The following TGFBR3 variants were observed in gnomAD, a reference collection of about 807,000 sequenced individuals.
TGFBR3 encodes transforming growth factor beta receptor 3.
Under a neutral mutation model 87.9 loss-of-function variants are expected in TGFBR3, and 46 were observed. That is an observed-to-expected ratio of 0.52 (90% CI 0.41 to 0.67). The LOEUF is 0.67. Ranked by LOEUF, TGFBR3 falls within the 30% of genes least tolerant of loss-of-function variation. TGFBR3 has a pLI of 0.00. For missense variants in TGFBR3, 866 were observed against 1,041.9 expected (o/e 0.83, Z 2.32); for synonymous variants, 381 against 391.6 (o/e 0.97, Z 0.32).
intron 1 of TGFBR3, among the ~76,000 whole-genome samples, chr1:91,873,592 C>A (rs1157921294): frequency 6.6e-6 from 1 of 151,984 alleles, no homozygotes; most frequent in Non-Finnish European, 1.5e-5. Flanking sequence ...TGAGCCAACA[C>A]GCCTGGCCCA....
In TGFBR3 at chr1:91,820,472, AG is replaced by A. The variant is rs1478614398; in HGVS notation, c.62-23002del. On this transcript the variant is annotated intron_variant, in intron 2 of 16. Transcript: ENST00000212355. ...GCCGAGGCGGGCGGATCATGAGGTCAGGAGATCGAGACCATCCTGGCTAACA... is the reference window on the plus strand; with the variant it reads ...GCCGAGGCGGGCGGATCATGAGGTCAGAGATCGAGACCATCCTGGCTAACA... Among the ~76,000 whole-genome samples, 3 of 152,110 alleles carry A rather than the reference AG, an allele frequency of 2.0e-5. No homozygotes were observed. In the East Asian group the frequency reaches 5.8e-4, roughly 29 times the overall value.
chr1:91,863,252 C>T, intron 1 of TGFBR3, among the ~76,000 whole-genome samples: 1 of 152,076 alleles, frequency 6.6e-6, no homozygotes, highest in East Asian at 1.9e-4. Flanking sequence ...ATTATATAGG[C>T]AGGAGGCCAC....
intron 3 of TGFBR3, among the ~76,000 whole-genome samples, chr1:91,769,645 GTT>G (rs1209653733): frequency 6.9e-6 from 1 of 144,604 alleles, no homozygotes; most frequent in Non-Finnish European, 1.5e-5. Context: ...TGTTTTTTTT[GTT>G]TTTTTTTTTA....
intron 2 of TGFBR3, among the ~76,000 whole-genome samples, chr1:91,854,337 G>T (rs534351785): frequency 3.3e-5 from 5 of 151,846 alleles, no homozygotes; most frequent in South Asian, 4.2e-4. Context: ...TTCACCATGG[G>T]GGCCAATACT....
rs1317132797 is a variant in TGFBR3 at position 91,683,073 on chromosome 1, G to A, written c.*666C>T. 4.4e-6 allele frequency: 2 copies of A among 454,530 alleles called. No homozygotes were observed. The highest frequency in any genetic ancestry group is 8.8e-6 in the Non-Finnish European group (2 of 226,796). 28.2% of individuals were successfully genotyped at this position (454,530 alleles called of 1,614,324 possible). A position where few individuals can be genotyped will look rare whatever the true frequency, so the allele number is the denominator to read the frequency against. Reference sequence around the variant, plus strand: ...CAAGTATGGGAAGAAACAGGAAGCTGATAAGGTCATCAGCATTGGTTTTGG... The same window carrying A: ...CAAGTATGGGAAGAAACAGGAAGCTAATAAGGTCATCAGCATTGGTTTTGG... On this transcript the variant is annotated 3_prime_UTR_variant, in exon 17 of 17. Transcript: ENST00000212355.
chr1:91,751,458 T>C (rs1048828693), intron 4 of TGFBR3, among the ~76,000 whole-genome samples: 2 of 152,140 alleles, frequency 1.3e-5, no homozygotes, highest in Non-Finnish European at 2.9e-5. Context: ...TCTGGGGCTA[T>C]TTAGCAACTG....
chr1:91,811,793 C>T (rs1014497100), intron 2 of TGFBR3, among the ~76,000 whole-genome samples: 10 of 152,080 alleles, frequency 6.6e-5, no homozygotes, highest in African/African-American at 2.4e-4. Flanking sequence ...CAAGACGAAA[C>T]TTTACATAGT....
chr1:91,834,189 TG>T (rs1169610728), intron 2 of TGFBR3, among the ~76,000 whole-genome samples: 1 of 152,246 alleles, frequency 6.6e-6, no homozygotes, highest in Middle Eastern at 3.2e-3. Context: ...CACATCATGC[TG>T]GCTGCAGTTT....
intron 2 of TGFBR3, among the ~76,000 whole-genome samples, chr1:91,817,469 C>G (rs1356829700): frequency 6.6e-6 from 1 of 152,202 alleles, no homozygotes; most frequent in African/African-American, 2.4e-5. Flanking sequence ...GCAAAATTCT[C>G]AAGTGTTCAG....
At chr1:91,708,860 C>G (rs1186497796) in intron 13 of TGFBR3, 77 bp from the exon 14 acceptor site, 5 of 1,580,070 alleles carry the variant, frequency 3.2e-6, no homozygotes, top group Non-Finnish European at 4.3e-6. Context: ...GCACAGCTGT[C>G]CTGTGGCCTT....
At chr1:91,837,823 G>C (rs1157442292) in intron 2 of TGFBR3, among the ~76,000 whole-genome samples, 1 of 152,074 alleles carries the variant, frequency 6.6e-6, no homozygotes, top group East Asian at 1.9e-4. Context: ...TCTTTTAAAG[G>C]AGCAGTGAAA....
chr1:91,819,554 C>A (rs1046454271), intron 2 of TGFBR3, among the ~76,000 whole-genome samples: 2 of 152,186 alleles, frequency 1.3e-5, no homozygotes, highest in Non-Finnish European at 2.9e-5. Context: ...GGCCTACAGG[C>A]ATCAGCAGCA....
At chr1:91,815,675 A>G (rs184905496) in intron 2 of TGFBR3, among the ~76,000 whole-genome samples, 5 of 152,338 alleles carry the variant, frequency 3.3e-5, no homozygotes, top group Non-Finnish European at 7.3e-5. Context: ...ACCTGGAGTT[A>G]ATACTACATA....
At position 91,708,724 on chromosome 1, in the gene TGFBR3, C is replaced by T; in HGVS notation, c.2226G>A (p.Met742Ile). The change falls in exon 14 of 17, where the codon ATG (methionine) becomes ATA (isoleucine). Residue 742 changes from methionine to isoleucine, a missense_variant. By Grantham distance (10) the Met-to-Ile change is conservative (BLOSUM62 1). Coordinates refer to ENST00000212355, the MANE Select transcript of TGFBR3 (RefSeq NM_003243.5). ...GCTTAGTGAACGTCTTCTTATTCTGCATCATGGCCCAGATTATCGAGGCGT... is the reference window on the plus strand; with the variant it reads ...GCTTAGTGAACGTCTTCTTATTCTGTATCATGGCCCAGATTATCGAGGCGT... Reference protein sequence around the residue: ...SLDASIIWAMMQNKKTFTKPL... With the variant: ...SLDASIIWAMIQNKKTFTKPL... 1 of 1,614,074 alleles carries T rather than the reference C, an allele frequency of 6.2e-7. No homozygotes were observed.
At chr1:91,897,855 G>C (rs1337624857) in intron 2 of TGFBR3, among the ~76,000 whole-genome samples, 1 of 151,982 alleles carries the variant, frequency 6.6e-6, no homozygotes, top group Non-Finnish European at 1.5e-5. Context: ...ACTGATCATT[G>C]TTAACATTTT....
At chr1:91,884,319 C>CAAA (rs368144492) in intron 1 of TGFBR3, among the ~76,000 whole-genome samples, 5 of 119,246 alleles carry the variant, frequency 4.2e-5, no homozygotes, top group African/African-American at 1.2e-4. Flanking sequence ...ACTCTGTCAC[C>CAAA]AAAAAAAAAA....
intron 3 of TGFBR3, among the ~76,000 whole-genome samples, chr1:91,774,997 C>T (rs917825603): frequency 2.6e-5 from 4 of 152,040 alleles, no homozygotes; most frequent in African/African-American, 4.8e-5. Context: ...AGACATTCTA[C>T]TCCAAATGTT....
intron 1 of TGFBR3, among the ~76,000 whole-genome samples, chr1:91,878,493 T>C (rs191149260): frequency 6.6e-6 from 1 of 152,280 alleles, no homozygotes; most frequent in East Asian, 1.9e-4. Context: ...TTCATCAAGT[T>C]TCCATTAGCA....
chr1:91,734,764 C>T lies in TGFBR3; in HGVS notation c.568+12G>A, dbSNP rs753712831. Reference sequence around the variant, plus strand: ...ATAAATCAGTCATTAACTGAAGCCACATAAAATTTACCTTCCCCCACTTTA... The same window carrying T: ...ATAAATCAGTCATTAACTGAAGCCATATAAAATTTACCTTCCCCCACTTTA... On this transcript the variant is annotated intron_variant, in intron 5 of 16. Transcript: ENST00000212355. 1 of 1,613,974 alleles carries T rather than the reference C, an allele frequency of 6.2e-7. No individual in the cohort carries two copies. Among genetic ancestry groups the T allele is most frequent in the African/African-American group, 1.3e-5 (1 of 75,050 alleles).
Sources: allele counts gnomAD v4.1 joint callset (sites outside exome capture counted in the v4.1 genomes callset), GRCh38; gene constraint gnomAD v4.1.1; transcripts MANE v1.5; gene names NCBI Gene and HGNC (gene_info 2026-07-23, HGNC 2026-07-21).